The following FGF14 variants were observed in gnomAD, a reference collection of about 807,000 sequenced individuals.
FGF14 encodes the protein fibroblast growth factor homologous factor 4.
A neutral mutation model predicts 25.5 loss-of-function variants in FGF14; 5 were observed. The observed-to-expected ratio is 0.20, with a 90% confidence interval of 0.10 to 0.41. The LOEUF is 0.41. Among genes scored for constraint, FGF14 ranks in the 10% least tolerant of loss-of-function variants. The probability of loss-of-function intolerance (pLI) is 1.00; values close to 1 mark genes in which losing one functional copy is unlikely to be tolerated. For synonymous variants in FGF14, 138 were observed against 118.3 expected, an observed-to-expected ratio of 1.17 and a Z score of -1.08; for missense variants, 222 against 320.1, an observed-to-expected ratio of 0.69 and a Z score of 2.34.
intron 1 of FGF14, among the ~76,000 whole-genome samples, chr13:102,125,007 T>A (rs2045893542): frequency 6.6e-6 from 1 of 152,162 alleles, no homozygotes; most frequent in Non-Finnish European, 1.5e-5. Flanking sequence ...GCAAACTACA[T>A]GGAATTCCAA....
At chr13:102,336,883 T>C (rs2056803638) in intron 1 of FGF14, among the ~76,000 whole-genome samples, 1 of 152,174 alleles carries the variant, frequency 6.6e-6, no homozygotes, top group South Asian at 2.1e-4. Context: ...ATAGCACAGT[T>C]TACTGAATAT....
Position 101,722,809 on chromosome 13 carries a change from C to T in FGF14, c.*22G>A. On this transcript the variant is annotated 3_prime_UTR_variant, in exon 5 of 5. Transcript: ENST00000376143. ...TCAACTGTGCTCAGGACGAATAAGT[C>T]ACAACACCTGTGAGGATCTGGCTAT... The T allele has an allele frequency of 6.2e-7, 1 of 1,612,930 alleles. No homozygotes were observed. The highest frequency in any genetic ancestry group is 8.5e-7 in the Non-Finnish European group (1 of 1,179,292).
At chr13:101,800,377 A>G (rs1435356775) in intron 3 of FGF14, among the ~76,000 whole-genome samples, 3 of 152,224 alleles carry the variant, frequency 2.0e-5, no homozygotes, top group African/African-American at 2.4e-5. Flanking sequence ...TATGATAGTC[A>G]TAAGTTACAT....
intron 1 of FGF14, chr13:102,292,874 TC>T (rs1461747575): frequency 1.3e-5 from 2 of 152,186 alleles, no homozygotes; most frequent in African/African-American, 2.4e-5. Flanking sequence ...CATCTGGACC[TC>T]TCTATTAGCC....
At chr13:102,389,478 A>G (rs2058381609) in intron 1 of FGF14, among the ~76,000 whole-genome samples, 1 of 152,242 alleles carries the variant, frequency 6.6e-6, no homozygotes, top group South Asian at 2.1e-4. Context: ...ATAGATTTAA[A>G]TGAGAATTTT....
chr13:102,026,779 T>C (rs536036643), intron 1 of FGF14, among the ~76,000 whole-genome samples: 1 of 152,134 alleles, frequency 6.6e-6, no homozygotes, highest in South Asian at 2.1e-4. Context: ...TTGCATGTTT[T>C]TTCTTACTCT....
intron 1 of FGF14, among the ~76,000 whole-genome samples, chr13:101,886,510 C>T (rs534358023): frequency 6.6e-6 from 1 of 152,064 alleles, no homozygotes; most frequent in Non-Finnish European, 1.5e-5. Context: ...CCATAGATCC[C>T]CATCTCTCAC....
At chr13:101,798,559 A>G (rs2140124919) in intron 3 of FGF14, among the ~76,000 whole-genome samples, 1 of 152,212 alleles carries the variant, frequency 6.6e-6, no homozygotes, top group Middle Eastern at 3.4e-3. Flanking sequence ...TCAGATCTCT[A>G]ACTGGTCTTT....
intron 3 of FGF14, among the ~76,000 whole-genome samples, chr13:101,815,624 G>A (rs1052139125): frequency 5.3e-5 from 8 of 151,914 alleles, no homozygotes; most frequent in African/African-American, 1.7e-4. Flanking sequence ...ACCAGCACTA[G>A]TGGTGACTCC....
chr13:102,321,387 A>G (rs2056237444), intron 1 of FGF14, among the ~76,000 whole-genome samples: 3 of 152,190 alleles, frequency 2.0e-5, no homozygotes, highest in African/African-American at 7.2e-5. Context: ...TCAAAGAATC[A>G]TAATGCAAAA....
In FGF14 at chr13:102,022,062, C is replaced by G. The variant is rs184651063; in HGVS notation, c.209-146766G>C. On this transcript the variant is annotated intron_variant, in intron 1 of 4. Transcript: ENST00000376131. The stretch of plus-strand genomic sequence containing the variant: ...GCGTCCACTTGGGCAGACTTCCTGC[C>G]TAATTCTACCTTACTTCATGGATTC... 1.3e-5 allele frequency among the ~76,000 whole-genome samples: 2 copies of G among 152,216 alleles called. 1 individual carries two copies. The highest frequency in any genetic ancestry group is 1.3e-4 in the Admixed American group (2 of 15,284).
chr13:102,174,276 A>T (rs1446890373), intron 1 of FGF14, among the ~76,000 whole-genome samples: 1 of 151,720 alleles, frequency 6.6e-6, no homozygotes, highest in Non-Finnish European at 1.5e-5. Flanking sequence ...CTGGGATTAC[A>T]GGAGCATGCC....
intron 1 of FGF14, among the ~76,000 whole-genome samples, chr13:102,162,000 C>T (rs1381894460): frequency 6.6e-6 from 1 of 152,012 alleles, no homozygotes; most frequent in East Asian, 1.9e-4. Flanking sequence ...GTTAATATTA[C>T]TCTATAACTT....
intron 1 of FGF14, among the ~76,000 whole-genome samples, chr13:102,181,389 G>C (rs1380792613): frequency 1.3e-5 from 2 of 152,124 alleles, no homozygotes; most frequent in Non-Finnish European, 2.9e-5. Context: ...CCCCTACAAA[G>C]ATATATTGAA....
At chr13:101,769,501 T>A (rs1251454412) in intron 3 of FGF14, among the ~76,000 whole-genome samples, 1 of 152,312 alleles carries the variant, frequency 6.6e-6, no homozygotes, top group East Asian at 1.9e-4. Context: ...AAAACCTGCA[T>A]GCAAATATCT....
intron 3 of FGF14, among the ~76,000 whole-genome samples, chr13:101,789,757 C>G (rs1258642599): frequency 5.3e-5 from 8 of 151,538 alleles, no homozygotes; most frequent in Non-Finnish European, 1.5e-5. Flanking sequence ...TATTAGTTTT[C>G]TAAGATAAAA....
chr13:102,227,296 C>A (rs868006289), intron 1 of FGF14, among the ~76,000 whole-genome samples: 1 of 152,072 alleles, frequency 6.6e-6, no homozygotes, highest in Non-Finnish European at 1.5e-5. Flanking sequence ...AGCCTATCCA[C>A]CTGCCAAGGG....
intron 1 of FGF14, among the ~76,000 whole-genome samples, chr13:102,319,692 C>T (rs1422489065): frequency 6.6e-6 from 1 of 152,322 alleles, no homozygotes; most frequent in Admixed American, 6.5e-5. Context: ...GCCAAATGAC[C>T]GGTTGCTTGT....
intron 1 of FGF14, among the ~76,000 whole-genome samples, chr13:101,970,456 T>C (rs1786155481): frequency 6.6e-6 from 1 of 152,184 alleles, no homozygotes; most frequent in Non-Finnish European, 1.5e-5. Flanking sequence ...GATCCTGGGA[T>C]CTGCTTCCGC....
Sources: allele counts gnomAD v4.1 joint callset (sites outside exome capture counted in the v4.1 genomes callset), GRCh38; gene constraint gnomAD v4.1.1; transcripts MANE v1.5; gene names NCBI Gene and HGNC (gene_info 2026-07-23, HGNC 2026-07-21).